KIAA0319L: variants seen among roughly 807,000 people sequenced by gnomAD.
The protein encoded by KIAA0319L is KIAA0319 like.
KIAA0319L carries 55 observed loss-of-function variants against 120.1 expected under a neutral mutation model. The ratio of observed to expected loss-of-function variants is 0.46; its 90% CI spans 0.37 to 0.57. The LOEUF (loss-of-function observed/expected upper bound fraction) is 0.57, where lower values mean the gene tolerates loss of function less well. Among genes scored for constraint, KIAA0319L ranks in the 20% least tolerant of loss-of-function variants. The pLI, the probability that KIAA0319L is intolerant of heterozygous loss-of-function variation, is 0.00. For missense variants in KIAA0319L, 1,049 were observed against 1,255.3 expected (o/e 0.84, Z 2.48); for synonymous variants, 398 against 471.9 (o/e 0.84, Z 2.03).
chr1:35,474,776 C>A, intron 5 of KIAA0319L, 29 bp downstream of exon 5: 1 of 1,368,850 alleles, frequency 7.3e-7, no homozygotes, highest in Non-Finnish European at 1.0e-6. Flanking sequence ...AAACAAAAAA[C>A]GGTTATCCAA....
chr1:35,534,858 CAAAAAAAAAAA>C (rs779838672), intron 2 of KIAA0319L, among the ~76,000 whole-genome samples: 717 of 42,672 alleles, frequency 0.017, 18 homozygotes, highest in African/African-American at 0.046. Context: ...GACTCCGTCT[CAAAAAAAAAAA>C]AAAAAAAAAA....
chr1:35,478,442 T>A (rs1011953752), intron 4 of KIAA0319L, among the ~76,000 whole-genome samples: 4 of 152,206 alleles, frequency 2.6e-5, no homozygotes, highest in African/African-American at 9.7e-5. Context: ...ACACAAAGGA[T>A]AAAGGCTTGA....
chr1:35,557,140 G>C (rs1444421619), intron 1 of KIAA0319L, 67 bp downstream of exon 1: 1 of 157,046 alleles, frequency 6.4e-6, no homozygotes, highest in African/African-American at 2.4e-5. Flanking sequence ...GACATCGCCC[G>C]TCCCGCTTGC....
At chr1:35,541,788 G>A (rs189838549) in intron 2 of KIAA0319L, among the ~76,000 whole-genome samples, 2 of 152,376 alleles carry the variant, frequency 1.3e-5, no homozygotes, top group Admixed American at 1.3e-4. Flanking sequence ...TTTGGGGGAA[G>A]TGAACTAGGG....
intron 16 of KIAA0319L, 88 bp downstream of exon 16, chr1:35,448,081 TTCTC>T (rs1219842403): frequency 4.8e-6 from 6 of 1,257,040 alleles, no homozygotes; most frequent in Non-Finnish European, 6.6e-6. Flanking sequence ...AAGCCCACCT[TTCTC>T]TATCTAACCA....
intron 6 of KIAA0319L, among the ~76,000 whole-genome samples, 168 bp from the exon 7 acceptor site, chr1:35,466,863 G>A (rs564326213): frequency 1.8e-4 from 28 of 152,236 alleles, no homozygotes; most frequent in African/African-American, 5.1e-4. Flanking sequence ...GGGAGGAGGC[G>A]GGTGGATCAC....
chr1:35,440,039 G>A (rs555557374), intron 20 of KIAA0319L: 2 of 152,248 alleles, frequency 1.3e-5, no homozygotes, highest in South Asian at 4.1e-4. Context: ...TGAGGGGTGG[G>A]TTTTGCACAT....
intron 1 of KIAA0319L, 79 bp from the exon 2 acceptor site, chr1:35,554,598 A>C: frequency 1.9e-6 from 2 of 1,069,940 alleles, no homozygotes; most frequent in Non-Finnish European, 2.7e-6. Context: ...GCTAGAAAAT[A>C]TGACAGATTA....
rs1192811026 is a variant in KIAA0319L, at chr1:35,451,633, T to C, written c.2057A>G (p.Lys686Arg). 1.9e-6 allele frequency: 3 copies of C among 1,613,884 alleles called. No individual in the cohort carries two copies. Among genetic ancestry groups the C allele is most frequent in the African/African-American group, 2.7e-5 (2 of 74,928 alleles). Reference sequence around the variant, plus strand: ...AACTGGAGGCAGAGAGGTACCTTCTTTGACAATGACATTCACAGAGCTCTG... The same window carrying C: ...AACTGGAGGCAGAGAGGTACCTTCTCTGACAATGACATTCACAGAGCTCTG... ...QSQSSVNVIVKEEINKPPIAK... is the reference protein window; with the variant it reads ...QSQSSVNVIVREEINKPPIAK... The change falls in exon 13 of 21, where the codon AAA (lysine) becomes AGA (arginine). Residue 686 changes from lysine to arginine, a missense_variant. Lys to Arg is a conservative substitution (Grantham distance 26). Transcript: ENST00000325722.
At chr1:35,548,542 T>A (rs1647072857) in intron 2 of KIAA0319L, among the ~76,000 whole-genome samples, 1 of 152,178 alleles carries the variant, frequency 6.6e-6, no homozygotes, top group South Asian at 2.1e-4. Flanking sequence ...CTTCTGTCAA[T>A]CCCTTTAACA....
chr1:35,479,769 T>A (rs1273050325), intron 3 of KIAA0319L, among the ~76,000 whole-genome samples: 1 of 151,824 alleles, frequency 6.6e-6, no homozygotes, highest in African/African-American at 2.4e-5. Flanking sequence ...CTGGGCATGG[T>A]GGCCATGCCT....
At chr1:35,526,410 T>TATATAC (rs1491411192) in intron 2 of KIAA0319L, among the ~76,000 whole-genome samples, 2 of 137,520 alleles carry the variant, frequency 1.5e-5, no homozygotes, top group African/African-American at 2.8e-5. Context: ...TATATATATA[T>TATATAC]ACACACATAC....
At chr1:35,541,640 G>A (rs186046202) in intron 2 of KIAA0319L, among the ~76,000 whole-genome samples, 13 of 152,150 alleles carry the variant, frequency 8.5e-5, no homozygotes, top group South Asian at 4.2e-4. Flanking sequence ...GTGAGCCACC[G>A]CGCCCAGCCT....
intron 16 of KIAA0319L, among the ~76,000 whole-genome samples, chr1:35,447,763 G>T (rs2149084079): frequency 6.6e-6 from 1 of 151,634 alleles, no homozygotes; most frequent in South Asian, 2.1e-4. Flanking sequence ...GTAGAGGTGG[G>T]GTCTTGTTAT....
chr1:35,551,073 AT>A (rs1357094669), intron 2 of KIAA0319L, among the ~76,000 whole-genome samples: 1 of 152,214 alleles, frequency 6.6e-6, no homozygotes, highest in Non-Finnish European at 1.5e-5. Context: ...AAAAATATGA[AT>A]TTTTTTAGGG....
intron 2 of KIAA0319L, among the ~76,000 whole-genome samples, chr1:35,533,654 T>C (rs958364414): frequency 2.0e-5 from 3 of 152,112 alleles, no homozygotes; most frequent in African/African-American, 7.2e-5. Context: ...TATTCAGTAA[T>C]TGAACTATGG....
chr1:35,551,527 C>G (rs991561042), intron 2 of KIAA0319L, among the ~76,000 whole-genome samples: 1 of 152,124 alleles, frequency 6.6e-6, no homozygotes, highest in African/African-American at 2.4e-5. Flanking sequence ...CTATGTTGGT[C>G]AGGGTGGTCT....
chr1:35,504,047 C>T (rs576531373), intron 3 of KIAA0319L, among the ~76,000 whole-genome samples: 11 of 151,366 alleles, frequency 7.3e-5, no homozygotes, highest in African/African-American at 2.7e-4. Context: ...CACCTCACCT[C>T]GCTAATTTTT....
In KIAA0319L at chr1:35,506,829, T is replaced by C. The variant is rs1645224384; in HGVS notation, c.449A>G (p.His150Arg). The C allele has an allele frequency of 2.5e-6, 4 of 1,614,096 alleles. No homozygotes were observed. The highest frequency in any genetic ancestry group is 1.7e-5 in the Admixed American group (1 of 60,002). Residue 150 changes from histidine to arginine, a missense_variant, in exon 3 of 21, where the codon CAT (histidine) becomes CGT (arginine). Transcript: ENST00000325722. This position sits in a 1 kb window ranked among gnomAD's most constrained non-coding sequence, Gnocchi z 4.0. ...CCAGTTCCAACCTAGCCCCAGAAGA[T>C]GTGGTACATCATCTTCAGGTAGAAA... is the stretch of plus-strand genomic sequence containing the variant. Reference protein sequence around the residue: ...LGFLPEDDVPHLLGLGWNWAS... With the variant: ...LGFLPEDDVPRLLGLGWNWAS...
Sources: gnomAD v4.1 joint callset for allele counts (sites outside exome capture counted in the v4.1 genomes callset) on GRCh38, gnomAD v4.1.1 for gene constraint, Gnocchi (gnomAD v3.1) non-coding constraint, MANE v1.5 for transcripts, NCBI Gene and HGNC (gene_info 2026-07-23, HGNC 2026-07-21) for gene names.